TMEM40: variants seen among roughly 807,000 people sequenced by gnomAD.
TMEM40 encodes the protein transmembrane protein 40.
TMEM40 carries 34 observed loss-of-function variants against 40.8 expected under a neutral mutation model. The observed-to-expected ratio is 0.83, with a 90% CI of 0.63 to 1.11. The LOEUF is 1.11. TMEM40 is among the 50% of genes least tolerant of loss of function. TMEM40 has a pLI of 0.00. For synonymous variants in TMEM40, 106 were observed against 107.0 expected (o/e 0.99, Z 0.06); for missense variants, 296 against 280.2 (o/e 1.06, Z -0.40).
At chr3:12,760,916 A>AT (rs969268499), upstream of TMEM40, among the ~76,000 whole-genome samples, 12 of 151,940 alleles carry the variant, frequency 7.9e-5, no homozygotes, top group Non-Finnish European at 1.0e-4. Flanking sequence ...TGATTTTTAT[A>AT]TTTTTTGTAG....
intron 1 of TMEM40, among the ~76,000 whole-genome samples, chr3:12,757,787 T>C (rs2061540369): frequency 6.6e-6 from 1 of 152,192 alleles, no homozygotes; most frequent in Non-Finnish European, 1.5e-5. Context: ...AGACTTGTAA[T>C]GAATGTTTAT....
At chr3:12,751,570 G>A (rs754768667) in intron 1 of TMEM40, among the ~76,000 whole-genome samples, 5 of 151,976 alleles carry the variant, frequency 3.3e-5, no homozygotes, top group Admixed American at 6.6e-5. Flanking sequence ...GAGCCACTGC[G>A]CCTGGCCTAC....
chr3:12,756,128 C>G (rs2061525346), intron 1 of TMEM40, among the ~76,000 whole-genome samples: 1 of 152,098 alleles, frequency 6.6e-6, no homozygotes. Flanking sequence ...TAAACACAAA[C>G]TCAAAATACA....
chr3:12,762,028 C>T (rs1271965550), upstream of TMEM40, among the ~76,000 whole-genome samples: 1 of 152,004 alleles, frequency 6.6e-6, no homozygotes, highest in African/African-American at 2.4e-5. Context: ...TACAGTGGTA[C>T]AATCATAGCT....
chr3:12,734,879 C>T (rs945508343), intron 11 of TMEM40, 86 bp from the exon 12 acceptor site: 3 of 1,488,886 alleles, frequency 2.0e-6, no homozygotes, highest in African/African-American at 1.4e-5. Context: ...CCCAAGTACC[C>T]CTCACAGCTG....
At chr3:12,739,443 C>T (rs1389113911) in intron 5 of TMEM40, among the ~76,000 whole-genome samples, 1 of 151,986 alleles carries the variant, frequency 6.6e-6, no homozygotes, top group Non-Finnish European at 1.5e-5. Flanking sequence ...CGCCACCACG[C>T]CTGGCTAATT....
chr3:12,737,992 A>C (rs2061350270), intron 7 of TMEM40, 144 bp downstream of exon 7: 1 of 1,120,006 alleles, frequency 8.9e-7, no homozygotes. Flanking sequence ...TGCACTGGAG[A>C]TCCCCCTTCT....
chr3:12,769,181 C>A (rs2061610876), intron 1 of TMEM40: 5 of 329,036 alleles, frequency 1.5e-5, no homozygotes, highest in Middle Eastern at 8.0e-4. Context: ...CCCAAGCCCA[C>A]CCGGAACTGT....
intron 6 of TMEM40, 79 bp downstream of exon 6, chr3:12,738,474 C>T: frequency 1.3e-6 from 2 of 1,505,384 alleles, no homozygotes; most frequent in South Asian, 2.2e-5. Flanking sequence ...CAGGTGCTGG[C>T]TCTCTTGGGG....
rs990964151 is a variant in TMEM40 at position 12,735,746 on chromosome 3, C to G, written c.620-129G>C. On this transcript the variant is annotated intron_variant, in intron 10 of 11. Coordinates refer to ENST00000314124, the MANE Select transcript of TMEM40 (RefSeq NM_018306.4). ...GTGGAACTTCAGGCAGCAGGTTAAGCTTAGATAATGGTACTAGAGTTATTA... is the reference window on the plus strand; with the variant it reads ...GTGGAACTTCAGGCAGCAGGTTAAGGTTAGATAATGGTACTAGAGTTATTA... 8.5e-6 allele frequency: 6 copies of G among 708,406 alleles called. No individual in the cohort carries two copies. In the African/African-American group the frequency reaches 9.0e-5, roughly 11 times the overall value. 43.9% of individuals were successfully genotyped at this position (708,406 alleles called of 1,614,324 possible).
intron 1 of TMEM40, 88 bp downstream of exon 1, chr3:12,759,103 A>G (rs2061551172): frequency 6.6e-6 from 1 of 152,280 alleles, no homozygotes; most frequent in Non-Finnish European, 1.5e-5. Flanking sequence ...ACCACACAAT[A>G]TCAAGCCTAT....
intron 3 of TMEM40, among the ~76,000 whole-genome samples, chr3:12,744,994 A>G (rs2061415701): frequency 6.6e-6 from 1 of 152,224 alleles, no homozygotes. Flanking sequence ...GCAAAAAATG[A>G]CTTTTTATTG....
intron 1 of TMEM40, among the ~76,000 whole-genome samples, chr3:12,757,537 G>A (rs183728208): frequency 6.6e-6 from 1 of 151,578 alleles, no homozygotes; most frequent in African/African-American, 2.4e-5. Flanking sequence ...AAACCACCAT[G>A]GGATACCCCT....
Position 12,736,614 on chromosome 3 carries a change from C to G in TMEM40, c.583G>C (p.Ala195Pro). Residue 195 changes from alanine to proline, a missense_variant, in exon 10 of 12, where the codon GCC becomes CCC. Coordinates refer to ENST00000314124, the MANE Select transcript of TMEM40 (RefSeq NM_018306.4). ...TAGATGCCAACGGTTTCCAGGGAGG[C>G]GAAGGTGAGCAGGCCGACCCCAAGA... is the stretch of plus-strand genomic sequence containing the variant. ...MSLGVGLLTF[A>P]SLETVGIYFG... 6.4e-7 allele frequency: 1 copy of G among 1,569,132 alleles called. No individual in the cohort carries two copies. Among genetic ancestry groups the G allele is most frequent in the Non-Finnish European group, 8.6e-7 (1 of 1,156,890 alleles).
At chr3:12,757,049 A>C (rs2106621735) in intron 1 of TMEM40, among the ~76,000 whole-genome samples, 1 of 152,260 alleles carries the variant, frequency 6.6e-6, no homozygotes, top group African/African-American at 2.4e-5. Flanking sequence ...CAGAATCCTT[A>C]GTTGGAAAAA....
chr3:12,742,600 AC>A, intron 4 of TMEM40, 93 bp from the exon 5 acceptor site: 1 of 1,455,124 alleles, frequency 6.9e-7, no homozygotes, highest in Admixed American at 1.7e-5. Flanking sequence ...AAGAAGTACC[AC>A]AGTCCTTGTG....
upstream of TMEM40, among the ~76,000 whole-genome samples, chr3:12,763,176 A>C (rs1201781072): frequency 6.6e-6 from 1 of 151,744 alleles, no homozygotes; most frequent in Non-Finnish European, 1.5e-5. Flanking sequence ...AAAAAAAAAA[A>C]AAAAAAGGTT....
Position 12,751,823 on chromosome 3 carries a change from TG to T in TMEM40, c.-8-1984del, listed in dbSNP as rs143315873. On this transcript the variant is annotated intron_variant, in intron 1 of 11. Coordinates refer to ENST00000314124, the MANE Select transcript of TMEM40 (RefSeq NM_018306.4). ...GTGGAGGAAGAGTTGTAGAGCCACG[TG>T]GGGGAAAGAGAGCTGCTGGCTGATG... Among the ~76,000 whole-genome samples, 1,508 of 152,260 alleles carry T rather than the reference TG, an allele frequency of 9.9e-3. 27 individuals are homozygous for T. Among genetic ancestry groups the T allele is most frequent in the African/African-American group, 0.033 (1,371 of 41,546 alleles).
chr3:12,750,388 C>G (rs562742596), intron 1 of TMEM40, among the ~76,000 whole-genome samples: 1 of 152,150 alleles, frequency 6.6e-6, no homozygotes, highest in Non-Finnish European at 1.5e-5. Flanking sequence ...TCCTGGGCCC[C>G]GGCCGGCCTC....
Sources: allele counts gnomAD v4.1 joint callset (sites outside exome capture counted in the v4.1 genomes callset), GRCh38; gene constraint gnomAD v4.1.1; transcripts MANE v1.5; gene names NCBI Gene and HGNC (gene_info 2026-07-23, HGNC 2026-07-21).